Variants in BTNL9 observed in about 807,000 individuals in gnomAD.
The protein encoded by BTNL9 is butyrophilin like 9.
In BTNL9, 45 loss-of-function variants were observed where a neutral mutation model predicts 45.8. The observed-to-expected ratio is 0.98, with a 90% CI of 0.77 to 1.26. BTNL9 has a LOEUF of 1.26. BTNL9 is among the 50% of genes most tolerant of loss of function. BTNL9 has a pLI of 0.00. For synonymous variants in BTNL9, 346 were observed against 330.8 expected, an observed-to-expected ratio of 1.05 and a Z score of -0.50; for missense variants, 784 against 729.7, an observed-to-expected ratio of 1.07 and a Z score of -0.86.
chr5:181,058,696 G>C lies in BTNL9; in HGVS notation c.982+318G>C, dbSNP rs150735163. Among the ~76,000 whole-genome samples the C allele has an allele frequency of 1.8e-3, 270 of 152,092 alleles. 1 individual carries two copies. The highest frequency in any genetic ancestry group is 6.0e-3 in the African/African-American group (248 of 41,470). ...AACCTCCCAGATTCTCTGACGAAGG[G>C]GTCCCCTAGGTTCCCATCTGTCAGA... On this transcript the variant is annotated intron_variant, in intron 10 of 10. Transcript: ENST00000327705.
Position 181,053,863 on chromosome 5 carries a change from G to A in BTNL9, c.886+362G>A, listed in dbSNP as rs1398924475. ...ATAGCGCACAGGGAGTCGGGCGGAT[G>A]CGCAACATCTCCGCACAGGGTCAGG... is the stretch of plus-strand genomic sequence containing the variant. On this transcript the variant is annotated intron_variant, in intron 6 of 10. Coordinates refer to ENST00000327705, the MANE Select transcript of BTNL9 (RefSeq NM_152547.5). The surrounding 1 kb of genome is among the most constrained non-coding windows in gnomAD (Gnocchi z 6.5). 1 of 1,506,970 alleles carries A rather than the reference G, an allele frequency of 6.6e-7. No homozygotes were observed. The highest frequency in any genetic ancestry group is 1.4e-5 in the African/African-American group (1 of 72,646). The allele number at this position is 1,506,970 out of a possible 1,614,324, so 93.3% of individuals were successfully genotyped here.
chr5:181,053,812 G>A lies in BTNL9; in HGVS notation c.886+311G>A. 6.6e-7 allele frequency: 1 copy of A among 1,518,954 alleles called. No individual in the cohort carries two copies. The highest frequency in any genetic ancestry group is 1.2e-5 in the South Asian group (1 of 83,022). The allele number at this position is 1,518,954 out of a possible 1,614,324, so 94.1% of individuals were successfully genotyped here. On this transcript the variant is annotated intron_variant, in intron 6 of 10. Coordinates refer to ENST00000327705, the MANE Select transcript of BTNL9 (RefSeq NM_152547.5). This position sits in a 1 kb window ranked among gnomAD's most constrained non-coding sequence, Gnocchi z 6.5. ...GGGAGCGGTGACCAGGGTCTCTGCT[G>A]CCAGCGCCACCTCGTCCAGGTTTTC...
Position 181,053,083 on chromosome 5 carries a change from G to T in BTNL9, c.737-117G>T. The T allele has an allele frequency of 2.4e-6, 2 of 835,946 alleles. No individual in the cohort carries two copies. The highest frequency in any genetic ancestry group is 3.5e-6 in the Non-Finnish European group (2 of 574,926). The allele number at this position is 835,946 out of a possible 1,614,324, so 51.8% of individuals were successfully genotyped here. On this transcript the variant is annotated intron_variant, in intron 4 of 10. Coordinates refer to ENST00000327705, the MANE Select transcript of BTNL9 (RefSeq NM_152547.5). This position sits in a 1 kb window ranked among gnomAD's most constrained non-coding sequence, Gnocchi z 6.5. ...CCACGCCCGTTTCCCAGGCGGCTGC[G>T]GTGGCGCCCGGAGAAGGTCCCGCGG... is the stretch of plus-strand genomic sequence containing the variant.
intron 4 of BTNL9, among the ~76,000 whole-genome samples, chr5:181,051,909 G>A (rs1470721155): frequency 6.6e-6 from 1 of 152,110 alleles, no homozygotes; most frequent in African/African-American, 2.4e-5. Flanking sequence ...CTCTACAGAG[G>A]GCGTGACTCA....
intron 1 of BTNL9, 80 bp from the exon 2 acceptor site, chr5:181,045,387 C>G (rs1761042411): frequency 7.9e-6 from 6 of 756,346 alleles, no homozygotes; most frequent in South Asian, 7.6e-5. Flanking sequence ...GAGGCCACAA[C>G]AGACTTCAGG....
At chr5:181,044,141 C>T (rs1760957196) in intron 1 of BTNL9, among the ~76,000 whole-genome samples, 1 of 152,180 alleles carries the variant, frequency 6.6e-6, no homozygotes, top group African/African-American at 2.4e-5. Context: ...GTCTGGGTGC[C>T]TCCTAGCCTA....
In BTNL9 at chr5:181,045,563, A is replaced by G. The variant is rs144716927; in HGVS notation, c.74A>G (p.His25Arg). 9.4e-5 allele frequency: 152 copies of G among 1,611,790 alleles called. No individual in the cohort carries two copies. The highest frequency in any genetic ancestry group is 6.6e-4 in the Middle Eastern group (4 of 6,054). The change falls in exon 2 of 11, where the codon CAC (histidine) becomes CGC (arginine). Residue 25 changes from histidine (H) to arginine (R), a missense_variant. Physicochemically the swap from His to Arg is conservative, Grantham distance 29. Transcript: ENST00000327705. ...ACCAGCAGTCTTGTCTTCCTCATGC[A>G]CCTCCTCCTCCTTCAGCCTGGGGAG... ...SLTSSLVFLM[H>R]LLLLQPGEPS...
At chr5:181,052,290 A>G (rs1408817574) in intron 4 of BTNL9, among the ~76,000 whole-genome samples, 1 of 152,074 alleles carries the variant, frequency 6.6e-6, no homozygotes, top group Non-Finnish European at 1.5e-5. Flanking sequence ...ACAGGGATGG[A>G]GAGTATACGG....
Position 181,059,652 on chromosome 5 carries a change from C to T in BTNL9, c.1398C>T (p.Ser466=), listed in dbSNP as rs1456586889. The change falls in exon 11 of 11, where the codon TCC becomes TCT. Residue 466 remains serine (S), a synonymous_variant. Coordinates refer to ENST00000327705, the MANE Select transcript of BTNL9 (RefSeq NM_152547.5). ...GAGAGCTGTCCTTCTTCAACGTGTCCGACGGCTCCCACATCTTCACCTTCC... is the reference window on the plus strand; with the variant it reads ...GAGAGCTGTCCTTCTTCAACGTGTCTGACGGCTCCCACATCTTCACCTTCC... ...EAGELSFFNV[S]DGSHIFTFHD... 1.9e-5 allele frequency: 31 copies of T among 1,613,534 alleles called. No individual in the cohort carries two copies. Among genetic ancestry groups the T allele is most frequent in the African/African-American group, 2.7e-5 (2 of 74,936 alleles).
rs1761723871 is a variant in BTNL9, at chr5:181,053,889, A to AAGCGGCGGTCAGGC, written c.887-348_887-335dup. 2.7e-6 allele frequency: 4 copies of AAGCGGCGGTCAGGC among 1,506,046 alleles called. No individual in the cohort carries two copies. Among genetic ancestry groups the AAGCGGCGGTCAGGC allele is most frequent in the Non-Finnish European group, 3.5e-6 (4 of 1,127,958 alleles). The allele number at this position is 1,506,046 out of a possible 1,614,324, so 93.3% of individuals were successfully genotyped here. On this transcript the variant is annotated intron_variant, in intron 6 of 10. Coordinates refer to ENST00000327705, the MANE Select transcript of BTNL9 (RefSeq NM_152547.5). This position sits in a 1 kb window ranked among gnomAD's most constrained non-coding sequence, Gnocchi z 6.5. ...CGCAACATCTCCGCACAGGGTCAGGAAGCGGCGGTCAGGCACCGAGAAAAC... is the reference window on the plus strand; with the variant it reads ...CGCAACATCTCCGCACAGGGTCAGGAAGCGGCGGTCAGGCAGCGGCGGTCAGGCACCGAGAAAAC...
In BTNL9 at chr5:181,059,933, C is replaced by G; in HGVS notation, c.*71C>G. ...CCCAGGCCAGCGCTTTGCTCTCCTG[C>G]TCCGTCTGAAGGGAGCAGGTGCACC... On this transcript the variant is annotated 3_prime_UTR_variant, in exon 11 of 11. Transcript: ENST00000327705. The G allele has an allele frequency of 7.3e-7, 1 of 1,360,594 alleles. No individual in the cohort carries two copies. Among genetic ancestry groups the G allele is most frequent in the South Asian group, 1.5e-5 (1 of 67,958 alleles). The allele number at this position is 1,360,594 out of a possible 1,614,324, so 84.3% of individuals were successfully genotyped here.
rs914204583 is a variant in BTNL9, at chr5:181,059,931, T to G, written c.*69T>G. ...ATCCCAGGCCAGCGCTTTGCTCTCC[T>G]GCTCCGTCTGAAGGGAGCAGGTGCA... On this transcript the variant is annotated 3_prime_UTR_variant, in exon 11 of 11. Coordinates refer to ENST00000327705, the MANE Select transcript of BTNL9 (RefSeq NM_152547.5). The G allele has an allele frequency of 6.9e-5, 94 of 1,362,262 alleles. No individual in the cohort carries two copies. The highest frequency in any genetic ancestry group is 8.7e-5 in the Non-Finnish European group (89 of 1,025,528). The allele number at this position is 1,362,262 out of a possible 1,614,324, so 84.4% of individuals were successfully genotyped here.
intron 3 of BTNL9, 77 bp downstream of exon 3, chr5:181,048,348 G>T (rs111797839): frequency 7.7e-7 from 1 of 1,297,054 alleles, no homozygotes; most frequent in African/African-American, 1.5e-5. Context: ...GAGTCACAGA[G>T]AACAGAAGAA....
chr5:181,057,132 A>G (rs1215078397), intron 9 of BTNL9: 1 of 152,106 alleles, frequency 6.6e-6, no homozygotes, highest in Non-Finnish European at 1.5e-5. Context: ...CCCTTATTGA[A>G]AAGGAATTAT....
At chr5:181,054,019 G>A in intron 6 of BTNL9, 2 of 1,541,254 alleles carry the variant, frequency 1.3e-6, no homozygotes, top group Admixed American at 2.0e-5. Flanking sequence ...GGAGGGCGCT[G>A]GGTCACCCTC....
At chr5:181,040,591 G>A (rs1760726541) in intron 1 of BTNL9, among the ~76,000 whole-genome samples, 159 bp downstream of exon 1, 1 of 152,208 alleles carries the variant, frequency 6.6e-6, no homozygotes. Context: ...TGGCCAAGAG[G>A]AGATGTCCAC....
chr5:181,058,515 C>A, intron 10 of BTNL9, 137 bp downstream of exon 10: 1 of 1,181,092 alleles, frequency 8.5e-7, no homozygotes. Context: ...GACACACACG[C>A]ACACTTGCAA....
Position 181,059,390 on chromosome 5 carries a change from T to G in BTNL9, c.1136T>G (p.Phe379Cys). 1.3e-6 allele frequency: 2 copies of G among 1,525,096 alleles called. No homozygotes were observed. The highest frequency in any genetic ancestry group is 1.8e-6 in the Non-Finnish European group (2 of 1,139,340). The allele number at this position is 1,525,096 out of a possible 1,614,324, so 94.5% of individuals were successfully genotyped here. A position where few individuals can be genotyped will look rare whatever the true frequency, so the allele number is the denominator to read the frequency against. ...ACGTGCGCGCTGAGCCTGGAGCGGT[T>G]CTCCGCCGGCCGCCACTACTGGGAG... Reference protein sequence around the residue: ...EQTCALSLERFSAGRHYWEVH... With the variant: ...EQTCALSLERCSAGRHYWEVH... Residue 379 changes from phenylalanine (F) to cysteine (C), a missense_variant, in exon 11 of 11, where the codon TTC becomes TGC. By Grantham distance (205) the Phe-to-Cys change is radical (BLOSUM62 -2). Transcript: ENST00000327705.
chr5:181,043,656 C>G (rs1464915947), intron 1 of BTNL9, among the ~76,000 whole-genome samples: 1 of 152,252 alleles, frequency 6.6e-6, no homozygotes, highest in African/African-American at 2.4e-5. Flanking sequence ...TAGCTGAACA[C>G]TGACGTGCCC....
Sources: gnomAD v4.1 joint callset for allele counts (sites outside exome capture counted in the v4.1 genomes callset) on GRCh38, gnomAD v4.1.1 for gene constraint, Gnocchi (gnomAD v3.1) non-coding constraint, MANE v1.5 for transcripts, NCBI Gene and HGNC (gene_info 2026-07-23, HGNC 2026-07-21) for gene names.